Variants in CTNNA2 observed in about 807,000 individuals in gnomAD.
CTNNA2 encodes catenin alpha 2.
In CTNNA2, 42 loss-of-function variants were observed where a neutral mutation model predicts 101.0. That is an observed-to-expected ratio of 0.42 (90% CI 0.32 to 0.54). CTNNA2 has a LOEUF of 0.54. Among genes scored for constraint, CTNNA2 ranks in the 20% least tolerant of loss-of-function variants. The pLI is 0.14. For missense variants in CTNNA2, 871 were observed against 1,223.1 expected (o/e 0.71, Z 4.29); for synonymous variants, 450 against 456.4 (o/e 0.99, Z 0.18).
intron 7 of CTNNA2, among the ~76,000 whole-genome samples, chr2:80,151,847 A>T (rs1053923640): frequency 1.3e-5 from 2 of 151,928 alleles, no homozygotes; most frequent in African/African-American, 2.4e-5. Flanking sequence ...TCTGCTGCCA[A>T]CCCCACTCTT....
intron 14 of CTNNA2, among the ~76,000 whole-genome samples, chr2:80,583,529 T>TAATTCATCCAAACATGAAGC (rs1303817403): frequency 6.6e-6 from 1 of 152,196 alleles, no homozygotes; most frequent in Non-Finnish European, 1.5e-5. Context: ...CAATTTTGAG[T>TAATTCATCCAAACATGAAGC]AATTCATCCA....
intron 3 of CTNNA2, among the ~76,000 whole-genome samples, chr2:79,761,212 C>T (rs1366337025): frequency 1.3e-5 from 2 of 151,978 alleles, no homozygotes; most frequent in Non-Finnish European, 2.9e-5. Context: ...TTTTCGGCCA[C>T]GTCTATGTTT....
chr2:79,206,269 A>T (rs1674098608), intron 2 of CTNNA2, among the ~76,000 whole-genome samples: 1 of 151,306 alleles, frequency 6.6e-6, no homozygotes, highest in Admixed American at 6.6e-5. Context: ...AAGTTTCTTT[A>T]TAATAATGTT....
intron 7 of CTNNA2, among the ~76,000 whole-genome samples, chr2:79,969,576 A>G (rs1690327875): frequency 6.6e-6 from 1 of 152,238 alleles, no homozygotes; most frequent in Non-Finnish European, 1.5e-5. Context: ...AAATTGAGAG[A>G]AGAACAGAAG....
chr2:79,364,024 AAGGT>A (rs1677689923), intron 3 of CTNNA2, among the ~76,000 whole-genome samples: 1 of 152,210 alleles, frequency 6.6e-6, no homozygotes, highest in African/African-American at 2.4e-5. Flanking sequence ...ATTACATCTA[AAGGT>A]ACCCTTAACA....
chr2:80,417,525 T>C (rs1014821738), intron 8 of CTNNA2, among the ~76,000 whole-genome samples: 2 of 151,960 alleles, frequency 1.3e-5, no homozygotes, highest in Non-Finnish European at 2.9e-5. Context: ...TTTGAAACTT[T>C]TCTTATTTTA....
chr2:80,026,419 G>A (rs1468404245), intron 7 of CTNNA2, among the ~76,000 whole-genome samples: 2 of 152,204 alleles, frequency 1.3e-5, no homozygotes, highest in African/African-American at 2.4e-5. Context: ...CTATTCTGTA[G>A]AGCTGTGACT....
Position 80,073,770 on chromosome 2 carries a change from A to T in CTNNA2, c.1056+163973A>T, listed in dbSNP as rs80023186. Among the ~76,000 whole-genome samples the T allele has an allele frequency of 3.8e-3, 353 of 93,822 alleles. 3 individuals carry two copies. The highest frequency in any genetic ancestry group is 0.01 in the African/African-American group (270 of 26,484). 61.6% of individuals were successfully genotyped at this position (93,822 alleles called of 152,430 possible). On this transcript the variant is annotated intron_variant, in intron 7 of 18. Transcript: ENST00000402739. Reference sequence around the variant, plus strand: ...CACACACACACACACACACACACACACTTATAGGATTGGGGTCATATCACA... The same window carrying T: ...CACACACACACACACACACACACACTCTTATAGGATTGGGGTCATATCACA...
At chr2:80,258,402 CT>C (rs1212054066) in intron 7 of CTNNA2, among the ~76,000 whole-genome samples, 1 of 152,102 alleles carries the variant, frequency 6.6e-6, no homozygotes, top group Non-Finnish European at 1.5e-5. Context: ...TCTGCGGATC[CT>C]TGTCCTAAGG....
intron 1 of CTNNA2, among the ~76,000 whole-genome samples, chr2:79,572,710 CT>C (rs1192324314): frequency 6.6e-6 from 1 of 152,170 alleles, no homozygotes; most frequent in Admixed American, 6.5e-5. Context: ...CAAGATCACG[CT>C]GCTGCATTCC....
chr2:80,622,805 C>G (rs953302609), intron 18 of CTNNA2, among the ~76,000 whole-genome samples: 1 of 151,638 alleles, frequency 6.6e-6, no homozygotes, highest in African/African-American at 2.4e-5. Context: ...TGGAATTCCA[C>G]GATTAGAACT....
intron 7 of CTNNA2, among the ~76,000 whole-genome samples, chr2:80,310,025 G>A (rs1677398351): frequency 6.6e-6 from 1 of 151,966 alleles, no homozygotes; most frequent in South Asian, 2.1e-4. Flanking sequence ...CAGACCCATG[G>A]AATCAAATCT....
At chr2:80,562,224 T>C (rs1693670205) in intron 12 of CTNNA2, among the ~76,000 whole-genome samples, 1 of 151,072 alleles carries the variant, frequency 6.6e-6, no homozygotes, top group African/African-American at 2.4e-5. Context: ...TATACACTGG[T>C]GTGTTTGTGA....
At chr2:80,590,944 G>A (rs1240505162) in intron 15 of CTNNA2, among the ~76,000 whole-genome samples, 1 of 152,136 alleles carries the variant, frequency 6.6e-6, no homozygotes, top group Non-Finnish European at 1.5e-5. Context: ...CAAGGCCTGT[G>A]ATGACTTAAT....
At chr2:80,464,343 C>T (rs577555830) in intron 9 of CTNNA2, among the ~76,000 whole-genome samples, 1 of 152,252 alleles carries the variant, frequency 6.6e-6, no homozygotes, top group East Asian at 1.9e-4. Context: ...GGGTATCAGA[C>T]ATTGGGTTAA....
intron 2 of CTNNA2, among the ~76,000 whole-genome samples, chr2:79,259,807 A>C (rs752410188): frequency 3.3e-5 from 5 of 152,058 alleles, no homozygotes; most frequent in Non-Finnish European, 7.4e-5. Context: ...AAAGAACCAA[A>C]ACACTCTGGG....
rs549811575 is a variant in CTNNA2 at position 79,412,390 on chromosome 2, C to T, written c.-135+38377C>T. 3.2e-4 allele frequency among the ~76,000 whole-genome samples: 48 copies of T among 152,076 alleles called. No individual in the cohort carries two copies. The East Asian group carries it at 7.8e-3, about 25-fold the overall frequency. On this transcript the variant is annotated intron_variant, in intron 4 of 21. Transcript: ENST00000466387. ...GAATTGAACTCAGCTCTGCACCAAG[C>T]AGACCTAATAGACATCTACAGAACT...
chr2:79,919,259 A>G (rs1686486650), intron 7 of CTNNA2, among the ~76,000 whole-genome samples: 1 of 152,194 alleles, frequency 6.6e-6, no homozygotes, highest in South Asian at 2.1e-4. Context: ...CAGCTTATCC[A>G]TGGCAGACTT....
chr2:79,292,755 T>A (rs1022061992), intron 2 of CTNNA2, among the ~76,000 whole-genome samples: 7 of 152,232 alleles, frequency 4.6e-5, no homozygotes, highest in Non-Finnish European at 8.8e-5. Context: ...TGTTATTTCC[T>A]GAGCAACTCT....
Sources: allele counts gnomAD v4.1 joint callset (sites outside exome capture counted in the v4.1 genomes callset), GRCh38; gene constraint gnomAD v4.1.1; transcripts MANE v1.5; gene names NCBI Gene and HGNC (gene_info 2026-07-23, HGNC 2026-07-21).